Variants in DUOX1 observed in about 807,000 individuals in gnomAD.
The protein encoded by DUOX1 is dual oxidase 1, also known as NADPH thyroid oxidase 1.
A neutral mutation model predicts 181.8 loss-of-function variants in DUOX1; 134 were observed. That is an observed-to-expected ratio of 0.74 (90% CI 0.64 to 0.85). The LOEUF (loss-of-function observed/expected upper bound fraction) is 0.85, where lower values mean the gene tolerates loss of function less well. DUOX1 is among the 40% of genes least tolerant of loss of function. The probability of loss-of-function intolerance (pLI) is 0.00; values close to 1 mark genes in which losing one functional copy is unlikely to be tolerated. For synonymous variants in DUOX1, 798 were observed against 832.5 expected (o/e 0.96, Z 0.71); for missense variants, 1,814 against 2,064.4 (o/e 0.88, Z 2.35).
chr15:45,133,954 G>A lies in DUOX1; in HGVS notation c.142+7G>A. The A allele has an allele frequency of 1.9e-6, 3 of 1,613,778 alleles. No individual in the cohort carries two copies. Among genetic ancestry groups the A allele is most frequent in the Non-Finnish European group, 2.5e-6 (3 of 1,179,814 alleles). On this transcript the variant is annotated splice_region_variant and intron_variant, in intron 3 of 33. Coordinates refer to ENST00000389037, the MANE Select transcript of DUOX1 (RefSeq NM_175940.3). The stretch of plus-strand genomic sequence containing the variant: ...CACAGATGGGGCAGCAAAGGTAAGT[G>A]AGAGCCAAGTGGGGATAGAACCCCA...
intron 16 of DUOX1, 27 bp downstream of exon 16, chr15:45,143,330 G>A: frequency 6.3e-7 from 1 of 1,589,214 alleles, no homozygotes; most frequent in Non-Finnish European, 8.6e-7. Context: ...CCAGGGTGGT[G>A]GTAGGGAGGA....
chr15:45,160,029 G>A (rs1897058929), intron 28 of DUOX1, among the ~76,000 whole-genome samples: 1 of 152,126 alleles, frequency 6.6e-6, no homozygotes, highest in African/African-American at 2.4e-5. Flanking sequence ...GCAGGTGCCT[G>A]TAATCCCAGC....
intron 9 of DUOX1, 68 bp from the exon 10 acceptor site, chr15:45,137,856 C>G: frequency 7.5e-7 from 1 of 1,327,686 alleles, no homozygotes. Flanking sequence ...GCCTCAGAGA[C>G]CAGAACTGAT....
chr15:45,162,563 G>C (rs1897136846), intron 31 of DUOX1, among the ~76,000 whole-genome samples, 186 bp downstream of exon 31: 1 of 152,194 alleles, frequency 6.6e-6, no homozygotes. Context: ...CTTTAGGACA[G>C]AACTGGTTTG....
At chr15:45,155,777 C>A (rs1173230395) in intron 27 of DUOX1, 25 bp from the exon 28 acceptor site, 1 of 1,612,660 alleles carries the variant, frequency 6.2e-7, no homozygotes, top group Non-Finnish European at 8.5e-7. Context: ...GATCTTCTGC[C>A]TTCCACCCTA....
In DUOX1 at chr15:45,136,528, G is replaced by T; in HGVS notation, c.926-1G>T. On this transcript the variant is annotated splice_acceptor_variant, in intron 8 of 33. Coordinates refer to ENST00000389037, the MANE Select transcript of DUOX1 (RefSeq NM_175940.3). LOFTEE classifies it high-confidence loss of function. ...TGTCCTCTCTTCTCCTATTTCCCCA[G>T]GATACCGGCCATTTCTGGACCCCAG... 6.2e-7 allele frequency: 1 copy of T among 1,614,178 alleles called. No homozygotes were observed. Among genetic ancestry groups the T allele is most frequent in the Non-Finnish European group, 8.5e-7 (1 of 1,180,026 alleles).
chr15:45,144,789 C>A, intron 17 of DUOX1, 106 bp from the exon 18 acceptor site: 1 of 1,214,106 alleles, frequency 8.2e-7, no homozygotes. Flanking sequence ...AAATAATATC[C>A]CTTTTTCAAG....
At chr15:45,131,413 A>T (rs1394027038) in intron 1 of DUOX1, 2 of 156,638 alleles carry the variant, frequency 1.3e-5, no homozygotes, top group Admixed American at 1.2e-4. Flanking sequence ...TCCTTCTCAC[A>T]TTTGATTCTG....
rs765083096 is a variant in DUOX1, at chr15:45,152,448, G to T, written c.3356G>T (p.Arg1119Leu). 1.2e-6 allele frequency: 2 copies of T among 1,614,124 alleles called. No homozygotes were observed. The highest frequency in any genetic ancestry group is 1.7e-6 in the Non-Finnish European group (2 of 1,180,016). The stretch of plus-strand genomic sequence containing the variant: ...TTCCTGCGAGAAACCTTCCTCAACC[G>T]CTACGTGCCCTTCGACGCCGCCGTG... ...ITFLRETFLN[R>L]YVPFDAAVDF... is the part of the protein sequence containing the mutation. The change falls in exon 25 of 34, where the codon CGC becomes CTC. Residue 1119 changes from arginine to leucine, a missense_variant. Physicochemically the swap from Arg to Leu is moderately radical, Grantham distance 102 (BLOSUM62 -2). This residue lies in a region of DUOX1 where 1,064 missense variants were observed against 1,152.9 expected (regional missense o/e 0.92). Transcript: ENST00000389037.
intron 10 of DUOX1, 119 bp downstream of exon 10, chr15:45,138,133 G>A (rs1896384288): frequency 4.6e-6 from 3 of 647,870 alleles, no homozygotes; most frequent in Admixed American, 3.5e-5. Context: ...GGTCAGTAAG[G>A]CTGACGCAGG....
Position 45,151,967 on chromosome 15 carries a change from CTTCA to C in DUOX1, c.3111_3114del (p.Phe1037LeufsTer113). The C allele has an allele frequency of 6.2e-7, 1 of 1,614,090 alleles. No homozygotes were observed. Among genetic ancestry groups the C allele is most frequent in the Non-Finnish European group, 8.5e-7 (1 of 1,180,014 alleles). On this transcript the variant is annotated frameshift_variant, in exon 24 of 34. Coordinates refer to ENST00000389037, the MANE Select transcript of DUOX1 (RefSeq NM_175940.3). LOFTEE classifies it high-confidence loss of function. ...ACCAGACGGTGCAACAGTTCAAGCG[CTTCA>C]TTGAGAACTACCGGCGCCACATCGG...
At position 45,148,157 on chromosome 15, in the gene DUOX1, C is replaced by T. The variant is rs953612381; in HGVS notation, c.2643-115C>T. On this transcript the variant is annotated intron_variant, in intron 20 of 33. Transcript: ENST00000389037. ...ACTAGCAGGGGGCTTGGGATGTGGC[C>T]AGTCGGGGCCCCTCCACATGGGCAC... 2.0e-6 allele frequency: 3 copies of T among 1,525,828 alleles called. No homozygotes were observed. The African/African-American group carries it at 4.1e-5, about 21-fold the overall frequency. The allele number at this position is 1,525,828 out of a possible 1,614,324, so 94.5% of individuals were successfully genotyped here.
chr15:45,136,215 C>G, intron 7 of DUOX1, 135 bp from the exon 8 acceptor site: 1 of 1,435,524 alleles, frequency 7.0e-7, no homozygotes. Flanking sequence ...TCACACTGCT[C>G]CTGTTTGAGT....
chr15:45,160,190 G>A (rs1897064071), intron 28 of DUOX1, among the ~76,000 whole-genome samples: 1 of 152,102 alleles, frequency 6.6e-6, no homozygotes, highest in African/African-American at 2.4e-5. Context: ...GGATGACAAC[G>A]CATGCACTAA....
At chr15:45,142,737 AAGAG>A (rs1165997233) in intron 15 of DUOX1, among the ~76,000 whole-genome samples, 121 of 148,676 alleles carry the variant, frequency 8.1e-4, no homozygotes, top group Non-Finnish European at 5.8e-4. Context: ...AAAAGAAAGA[AAGAG>A]AGAGAGAGAG....
chr15:45,138,074 G>GTGTC, intron 10 of DUOX1, 60 bp downstream of exon 10: 7 of 994,108 alleles, frequency 7.0e-6, no homozygotes, highest in Non-Finnish European at 1.0e-5. Flanking sequence ...ATGTGTGTGT[G>GTGTC]TGTATGTGTG....
chr15:45,163,718 G>A, intron 32 of DUOX1, 31 bp downstream of exon 32: 10 of 1,613,848 alleles, frequency 6.2e-6, no homozygotes, highest in Non-Finnish European at 8.5e-6. Context: ...AGGGTATGCG[G>A]GCCACTGTCT....
In DUOX1 at chr15:45,163,916, C is replaced by A. The variant is rs781727851; in HGVS notation, c.4531C>A (p.Gln1511Lys). The change falls in exon 33 of 34, where the codon CAG becomes AAG. Residue 1511 changes from glutamine to lysine, a missense_variant and splice_region_variant. Physicochemically the swap from Gln to Lys is moderately conservative, Grantham distance 53 (BLOSUM62 1). This residue lies in a region of DUOX1 where 124 missense variants were observed against 125.7 expected (regional missense o/e 0.99). Transcript: ENST00000389037. ...CAACTCCCTGCAGGAGGTCCACCCC[C>A]AGGTCAGTCCAACCCATAACCAGGT... Reference protein sequence around the residue: ...FFNSLQEVHPQVRKIGVFSCG... With the variant: ...FFNSLQEVHPKVRKIGVFSCG... 2.2e-5 allele frequency: 35 copies of A among 1,613,790 alleles called. No individual in the cohort carries two copies. Among genetic ancestry groups the A allele is most frequent in the Non-Finnish European group, 2.9e-5 (34 of 1,179,880 alleles).
rs1297721344 is a variant in DUOX1, at chr15:45,163,854, T to C, written c.4469T>C (p.Ile1490Thr). The change falls in exon 33 of 34, where the codon ATC (isoleucine) becomes ACC (threonine). Residue 1490 changes from isoleucine to threonine, a missense_variant. Around this residue, in one of 5 missense-constraint regions of DUOX1, gnomAD observed 124 missense variants for 125.7 expected, o/e 0.99. Transcript: ENST00000389037. ...NRSLFTGLRS[I>T]THFGRPPFEP... ...AGTCTATTCACAGGCCTGCGCTCCA[T>C]CACCCACTTTGGCCGTCCCCCCTTT... The C allele has an allele frequency of 6.2e-7, 1 of 1,614,088 alleles. No individual in the cohort carries two copies. Among genetic ancestry groups the C allele is most frequent in the South Asian group, 1.1e-5 (1 of 91,084 alleles).
Sources: gnomAD v4.1 joint callset for allele counts (sites outside exome capture counted in the v4.1 genomes callset) on GRCh38, gnomAD v4.1.1 for gene constraint, gnomAD v4.1.1 regional missense constraint, MANE v1.5 for transcripts, NCBI Gene and HGNC (gene_info 2026-07-23, HGNC 2026-07-21) for gene names.